GNB1: variants seen among roughly 807,000 people sequenced by gnomAD.
GNB1 encodes guanine nucleotide-binding protein G(I)/G(S)/G(T) subunit beta-1.
A neutral mutation model predicts 42.9 loss-of-function variants in GNB1; 2 were observed. The ratio of observed to expected loss-of-function variants is 0.05; its 90% CI spans 0.02 to 0.15. GNB1 has a LOEUF of 0.15. GNB1 is among the 10% of genes least tolerant of loss of function. GNB1 has a pLI of 1.00. For missense variants in GNB1, 193 were observed against 462.2 expected, an observed-to-expected ratio of 0.42 and a Z score of 5.34; for synonymous variants, 183 against 174.7, an observed-to-expected ratio of 1.05 and a Z score of -0.38.
In GNB1 at chr1:1,789,058, C is replaced by G. The variant is rs1232033573; in HGVS notation, c.911G>C (p.Arg304Pro). The change falls in exon 10 of 12, where the codon CGG (arginine) becomes CCG (proline). Residue 304 changes from arginine (R) to proline (P), a missense_variant. Arg to Pro is a moderately radical substitution (Grantham distance 103). Around this residue, in one of 2 missense-constraint regions of GNB1, gnomAD observed 150 missense variants for 410.8 expected, o/e 0.37. Coordinates refer to ENST00000378609, the MANE Select transcript of GNB1 (RefSeq NM_002074.5). ...CNVWDALKAD[R>P]AGVLAGHDNR... ...AAGGCCCCATGGCCACGTACCTGCCCGGTCGGCTTTGAGTGCATCCCAGAC... is the reference window on the plus strand; with the variant it reads ...AAGGCCCCATGGCCACGTACCTGCCGGGTCGGCTTTGAGTGCATCCCAGAC... The G allele has an allele frequency of 6.2e-7, 1 of 1,612,604 alleles. No homozygotes were observed. Among genetic ancestry groups the G allele is most frequent in the Admixed American group, 1.7e-5 (1 of 60,014 alleles).
chr1:1,796,717 G>C (rs1168922775), intron 7 of GNB1, among the ~76,000 whole-genome samples: 1 of 152,242 alleles, frequency 6.6e-6, no homozygotes, highest in Admixed American at 6.5e-5. Flanking sequence ...CACCCAGTGA[G>C]GAGGTGCAAG....
intron 1 of GNB1, among the ~76,000 whole-genome samples, chr1:1,849,706 G>A (rs908210844): frequency 3.3e-5 from 5 of 152,036 alleles, no homozygotes; most frequent in African/African-American, 4.8e-5. Context: ...TGGCCTGTAT[G>A]AAATACTTTT....
At chr1:1,841,552 G>A (rs992457702) in intron 1 of GNB1, among the ~76,000 whole-genome samples, 21 of 152,196 alleles carry the variant, frequency 1.4e-4, no homozygotes, top group African/African-American at 4.8e-4. Context: ...ACCACTTGTG[G>A]AGGCTTCACA....
chr1:1,805,113 G>A (rs1403101441), intron 6 of GNB1, among the ~76,000 whole-genome samples: 1 of 151,628 alleles, frequency 6.6e-6, no homozygotes, highest in Non-Finnish European at 1.5e-5. Flanking sequence ...AGTGAGCTGA[G>A]ATCACGCCAC....
At chr1:1,879,375 C>T (rs1389223535) in intron 1 of GNB1, among the ~76,000 whole-genome samples, 1 of 152,134 alleles carries the variant, frequency 6.6e-6, no homozygotes, top group Non-Finnish European at 1.5e-5. Flanking sequence ...AAAATAAGCC[C>T]ACTGCATGTT....
intron 8 of GNB1, among the ~76,000 whole-genome samples, chr1:1,792,565 C>T (rs1056687578): frequency 4.0e-5 from 6 of 151,556 alleles, no homozygotes; most frequent in African/African-American, 1.5e-4. Context: ...GGTGTGGTGG[C>T]GCACACCTGT....
At chr1:1,876,492 CGAGAGA>C (rs35226472) in intron 1 of GNB1, among the ~76,000 whole-genome samples, 253 of 147,928 alleles carry the variant, frequency 1.7e-3, no homozygotes, top group African/African-American at 6.0e-3. Flanking sequence ...CATGTGCACA[CGAGAGA>C]GAGAGAGAGA....
Position 1,803,979 on chromosome 1 carries a change from CT to C in GNB1, c.430+439del, listed in dbSNP as rs1160452817. On this transcript the variant is annotated intron_variant, in intron 7 of 11. Coordinates refer to ENST00000378609, the MANE Select transcript of GNB1 (RefSeq NM_002074.5). Reference sequence around the variant, plus strand: ...CCTGGGTGACATAGTGAGACTCTGTCTTTAAAAAAAAAAAAAAAAAAAAAGA... The same window carrying C: ...CCTGGGTGACATAGTGAGACTCTGTCTTAAAAAAAAAAAAAAAAAAAAAGA... Among the ~76,000 whole-genome samples the C allele has an allele frequency of 9.4e-3, 540 of 57,578 alleles. 5 individuals are homozygous for C. Among genetic ancestry groups the C allele is most frequent in the African/African-American group, 0.037 (501 of 13,454 alleles). The allele number at this position is 57,578 out of a possible 152,430, so 37.8% of individuals were successfully genotyped here. A position where few individuals can be genotyped will look rare whatever the true frequency, so the allele number is the denominator to read the frequency against.
At chr1:1,845,578 AAAT>A (rs1463994975) in intron 1 of GNB1, among the ~76,000 whole-genome samples, 5 of 152,170 alleles carry the variant, frequency 3.3e-5, no homozygotes, top group Admixed American at 2.6e-4. Context: ...GTCTCAAAAA[AAAT>A]AATAATAAAA....
At chr1:1,850,087 G>GCCT (rs1445781311) in intron 1 of GNB1, among the ~76,000 whole-genome samples, 2 of 151,168 alleles carry the variant, frequency 1.3e-5, no homozygotes, top group Non-Finnish European at 2.9e-5. Flanking sequence ...TCCTGCCTCA[G>GCCT]CCTGAGTAGC....
intron 3 of GNB1, among the ~76,000 whole-genome samples, chr1:1,819,091 G>T (rs1275506393): frequency 6.6e-6 from 1 of 151,832 alleles, no homozygotes; most frequent in East Asian, 1.9e-4. Flanking sequence ...AAAGTTACTA[G>T]AAAATAGACC....
chr1:1,880,874 T>A (rs1649806039), intron 1 of GNB1, among the ~76,000 whole-genome samples: 1 of 152,134 alleles, frequency 6.6e-6, no homozygotes, highest in South Asian at 2.1e-4. Context: ...CCAGACTGCC[T>A]GTGTCCATGG....
chr1:1,842,810 T>C (rs948972697), intron 1 of GNB1, among the ~76,000 whole-genome samples: 6 of 152,292 alleles, frequency 3.9e-5, no homozygotes, highest in South Asian at 2.1e-4. Flanking sequence ...AGAAAAAAAG[T>C]TGGGTGTGAA....
At chr1:1,830,747 A>G (rs188339208) in intron 2 of GNB1, among the ~76,000 whole-genome samples, 1 of 152,034 alleles carries the variant, frequency 6.6e-6, no homozygotes, top group African/African-American at 2.4e-5. Flanking sequence ...AGGCCTTGCT[A>G]TGTTGCCCGG....
At chr1:1,885,837 C>T (rs563790947) in intron 1 of GNB1, among the ~76,000 whole-genome samples, 1 of 147,610 alleles carries the variant, frequency 6.8e-6, no homozygotes, top group Non-Finnish European at 1.5e-5. Flanking sequence ...GGATTACAGG[C>T]GTGAGCCACC....
chr1:1,861,768 T>C (rs756346612), intron 1 of GNB1, among the ~76,000 whole-genome samples: 5 of 152,032 alleles, frequency 3.3e-5, no homozygotes, highest in Non-Finnish European at 7.4e-5. Context: ...CAGACAGCAC[T>C]GGAAGCATTC....
chr1:1,879,812 G>C (rs1159395598), intron 1 of GNB1, among the ~76,000 whole-genome samples: 1 of 152,084 alleles, frequency 6.6e-6, no homozygotes, highest in African/African-American at 2.4e-5. Flanking sequence ...GGGAGCAATG[G>C]ATCTTCACAT....
At chr1:1,869,185 CAAAAAAAAAAAAAAAA>C (rs71578347) in intron 1 of GNB1, among the ~76,000 whole-genome samples, 1 of 26,746 alleles carries the variant, frequency 3.7e-5, no homozygotes, top group Non-Finnish European at 7.7e-5. Flanking sequence ...GACACCTTCT[CAAAAAAAAAAAAAAAA>C]AAAAAAAAAA....
intron 1 of GNB1, among the ~76,000 whole-genome samples, chr1:1,875,373 A>G (rs905777580): frequency 1.2e-4 from 18 of 152,164 alleles, no homozygotes; most frequent in African/African-American, 4.3e-4. Flanking sequence ...TTGTGTTTTT[A>G]GCAGAGACGG....
Sources: allele counts gnomAD v4.1 joint callset (sites outside exome capture counted in the v4.1 genomes callset), GRCh38; gene constraint gnomAD v4.1.1; regional missense constraint gnomAD v4.1.1; transcripts MANE v1.5; gene names NCBI Gene and HGNC (gene_info 2026-07-23, HGNC 2026-07-21).